Variants in POP4 observed in about 807,000 individuals in gnomAD.
POP4 encodes the protein POP4 ribonuclease P/MRP subunit.
A neutral mutation model predicts 29.9 loss-of-function variants in POP4; 31 were observed. The ratio of observed to expected loss-of-function variants is 1.04; its 90% confidence interval spans 0.78 to 1.40. POP4 has a LOEUF of 1.40. Among genes scored for constraint, POP4 ranks in the 40% most tolerant of loss-of-function variants. POP4 has a pLI of 0.00. For synonymous variants in POP4, 110 were observed against 108.2 expected, an observed-to-expected ratio of 1.02 and a Z score of -0.10; for missense variants, 286 against 282.7, an observed-to-expected ratio of 1.01 and a Z score of -0.08.
intron 1 of POP4, 69 bp from the exon 2 acceptor site, chr19:29,608,588 T>C (rs959702538): frequency 1.3e-5 from 19 of 1,472,186 alleles, no homozygotes; most frequent in Admixed American, 5.0e-5. Context: ...ATTTTCATAG[T>C]TAGAAAAGTC....
intron 5 of POP4, among the ~76,000 whole-genome samples, chr19:29,612,634 G>T (rs1028184739): frequency 6.6e-6 from 1 of 152,104 alleles, no homozygotes; most frequent in Non-Finnish European, 1.5e-5. Context: ...GATGTTCAGG[G>T]GGCATCTCAG....
rs2303754 is a variant in POP4, at chr19:29,606,361, C to T, written c.7+36C>T. On this transcript the variant is annotated intron_variant, in intron 1 of 6. Transcript: ENST00000585603. ...CCGCGAAGTTGGAGAGGGTTGGGGA[C>T]GTTAAGGGTCGGGGTCTTGGTACTG... The T allele has an allele frequency of 3.1e-6, 5 of 1,592,360 alleles. No individual in the cohort carries two copies. The South Asian group carries it at 3.4e-5, about 11-fold the overall frequency.
At chr19:29,610,733 T>A in intron 3 of POP4, 101 bp downstream of exon 3, 1 of 1,173,948 alleles carries the variant, frequency 8.5e-7, no homozygotes, top group Non-Finnish European at 1.2e-6. Context: ...CCACCTAAGC[T>A]AAGGGGGCCT....
Position 29,616,572 on chromosome 19 carries a change from T to C in POP4, c.*1192T>C, listed in dbSNP as rs914989101. 2.6e-5 allele frequency: 4 copies of C among 152,348 alleles called. No homozygotes were observed. The highest frequency in any genetic ancestry group is 7.2e-5 in the African/African-American group (3 of 41,432). The allele number at this position is 152,348 out of a possible 1,614,324, so 9.4% of individuals were successfully genotyped here. ...GAAACACCGTAGTGGAGAAGGGAAGTGGGAGCGCTGACTGCTGTGTGCCAG... is the reference window on the plus strand; with the variant it reads ...GAAACACCGTAGTGGAGAAGGGAAGCGGGAGCGCTGACTGCTGTGTGCCAG... On this transcript the variant is annotated 3_prime_UTR_variant, in exon 7 of 7. Transcript: ENST00000585603.
rs758964866 is a variant in POP4, at chr19:29,615,208, C to G, written c.527-36C>G. The G allele has an allele frequency of 4.0e-6, 6 of 1,495,938 alleles. No individual in the cohort carries two copies. In the African/African-American group the frequency reaches 8.8e-5, roughly 22 times the overall value. 92.7% of individuals were successfully genotyped at this position (1,495,938 alleles called of 1,614,324 possible). A position where few individuals can be genotyped will look rare whatever the true frequency, so the allele number is the denominator to read the frequency against. ...AATATTAATAAATATTTTTCCTCAT[C>G]TTTTTTTCTCCTGCCTTTTTTTTTT... On this transcript the variant is annotated intron_variant, in intron 6 of 6. Coordinates refer to ENST00000585603, the MANE Select transcript of POP4 (RefSeq NM_006627.3).
chr19:29,606,419 G>A, intron 1 of POP4, 94 bp downstream of exon 1: 1 of 1,415,140 alleles, frequency 7.1e-7, no homozygotes, highest in Non-Finnish European at 9.4e-7. Context: ...ACCTGTTGCT[G>A]CGGAGTCCTA....
intron 1 of POP4, among the ~76,000 whole-genome samples, chr19:29,607,181 C>T (rs755070031): frequency 6.6e-6 from 1 of 151,980 alleles, no homozygotes; most frequent in Non-Finnish European, 1.5e-5. Context: ...CGCCTGTGGT[C>T]CCAGCACTTT....
intron 2 of POP4, among the ~76,000 whole-genome samples, chr19:29,609,504 C>G (rs148330724): frequency 0.018 from 2,770 of 152,318 alleles, 33 homozygotes; most frequent in Non-Finnish European, 0.031. Flanking sequence ...AGCCAGGAGA[C>G]AGGCCCTCAG....
rs1049160362 is a variant in POP4 at position 29,607,891 on chromosome 19, T to C, written c.8-766T>C. 5.3e-5 allele frequency among the ~76,000 whole-genome samples: 8 copies of C among 152,368 alleles called. No individual in the cohort carries two copies. The East Asian group carries it at 1.5e-3, about 29-fold the overall frequency. ...CCTAGACAGCTATATCATATAACTT[T>C]TAATGAGTTACCTTGTTAGCAAGTG... On this transcript the variant is annotated intron_variant, in intron 1 of 6. Coordinates refer to ENST00000585603, the MANE Select transcript of POP4 (RefSeq NM_006627.3).
In POP4 at chr19:29,617,028, T is replaced by G. The variant is rs1208486982; in HGVS notation, c.*1648T>G. On this transcript the variant is annotated 3_prime_UTR_variant, in exon 7 of 7. Coordinates refer to ENST00000585603, the MANE Select transcript of POP4 (RefSeq NM_006627.3). ...AGGATGAGACGGATGCAGTTCAAAG[T>G]GCAGGATGTGCTGCCTTTATTACCT... is the stretch of plus-strand genomic sequence containing the variant. The G allele has an allele frequency of 1.3e-5, 2 of 152,230 alleles. No individual in the cohort carries two copies. Among genetic ancestry groups the G allele is most frequent in the Admixed American group, 6.5e-5 (1 of 15,282 alleles). 9.4% of individuals were successfully genotyped at this position (152,230 alleles called of 1,614,324 possible). A position where few individuals can be genotyped will look rare whatever the true frequency, so the allele number is the denominator to read the frequency against.
intron 6 of POP4, among the ~76,000 whole-genome samples, chr19:29,614,664 C>T (rs535421672): frequency 3.9e-5 from 6 of 152,130 alleles, no homozygotes; most frequent in South Asian, 2.1e-4. Context: ...CCACCACGCC[C>T]GGCTAATTTT....
chr19:29,609,410 T>G (rs1463655281), intron 2 of POP4, among the ~76,000 whole-genome samples: 2 of 152,220 alleles, frequency 1.3e-5, no homozygotes, highest in African/African-American at 4.8e-5. Flanking sequence ...GCTGCGTTAC[T>G]ATTGACAGAT....
intron 1 of POP4, among the ~76,000 whole-genome samples, chr19:29,607,500 A>G (rs1175905518): frequency 2.0e-5 from 3 of 152,168 alleles, no homozygotes; most frequent in Non-Finnish European, 4.4e-5. Flanking sequence ...CCTTGCATCA[A>G]ACATTCTCAG....
At position 29,612,186 on chromosome 19, in the gene POP4, A is replaced by G. The variant is rs769039947; in HGVS notation, c.424+8A>G. The G allele has an allele frequency of 8.1e-6, 13 of 1,602,572 alleles. No homozygotes were observed. In the East Asian group the frequency reaches 2.5e-4, roughly 30 times the overall value. ...ACGGGGCTATTATTTCAGGTAATTT[A>G]CCTAAGAGCGTGTAGCACATGGCCA... On this transcript the variant is annotated splice_region_variant and intron_variant, in intron 5 of 6. Transcript: ENST00000585603.
chr19:29,612,854 C>T lies in POP4; in HGVS notation c.424+676C>T, dbSNP rs144870909. On this transcript the variant is annotated intron_variant, in intron 5 of 6. Coordinates refer to ENST00000585603, the MANE Select transcript of POP4 (RefSeq NM_006627.3). ...CTGTCATTCCCCAGATTACCTCAGA[C>T]ACAGCTCCTCACCGCACCAGGCAGC... 1.4e-3 allele frequency among the ~76,000 whole-genome samples: 217 copies of T among 152,370 alleles called. 6 individuals carry two copies. The East Asian group carries it at 0.036, about 25-fold the overall frequency.
At chr19:29,613,694 G>C in intron 5 of POP4, 177 bp from the exon 6 acceptor site, 1 of 954,584 alleles carries the variant, frequency 1.0e-6, no homozygotes, top group Non-Finnish European at 1.5e-6. Context: ...GGGAAGCCTG[G>C]ATTCTTGTTG....
Position 29,612,409 on chromosome 19 carries a change from T to G in POP4, c.424+231T>G, listed in dbSNP as rs146424117. On this transcript the variant is annotated intron_variant, in intron 5 of 6. Coordinates refer to ENST00000585603, the MANE Select transcript of POP4 (RefSeq NM_006627.3). ...CCCTAAGTGGTCTCTGTGTACCTTC[T>G]CCACACAGGGACCCCTGTTGGTACC... 5.2e-3 allele frequency among the ~76,000 whole-genome samples: 790 copies of G among 152,238 alleles called. 8 individuals carry two copies. Among genetic ancestry groups the G allele is most frequent in the African/African-American group, 0.018 (758 of 41,532 alleles).
Position 29,611,896 on chromosome 19 carries a change from A to G in POP4, c.319A>G (p.Lys107Glu), listed in dbSNP as rs901882069. 2 of 1,614,064 alleles carry G rather than the reference A, an allele frequency of 1.2e-6. No homozygotes were observed. The highest frequency in any genetic ancestry group is 1.3e-5 in the African/African-American group (1 of 74,916). Reference protein sequence around the residue: ...SLFLPLHELWKQYIRDLCSGL... With the variant: ...SLFLPLHELWEQYIRDLCSGL... ...TTTCCTCCCTCTCCATGAACTCTGG[A>G]AACAGTACATCAGGGACCTGTGCAG... Residue 107 changes from lysine (K) to glutamate (E), a missense_variant, in exon 4 of 7, where the codon AAA (lysine) becomes GAA (glutamate). Lys to Glu is a moderately conservative substitution (Grantham distance 56). Coordinates refer to ENST00000585603, the MANE Select transcript of POP4 (RefSeq NM_006627.3).
In POP4 at chr19:29,614,123, A is replaced by G. The variant is rs925878352; in HGVS notation, c.526+151A>G. ...TGAACCTGCATTAAAGCCTGCAGAG[A>G]CCATCCCCTGCACCCGTGGCTCCCC... On this transcript the variant is annotated intron_variant, in intron 6 of 6. Coordinates refer to ENST00000585603, the MANE Select transcript of POP4 (RefSeq NM_006627.3). 16 of 1,402,352 alleles carry G rather than the reference A, an allele frequency of 1.1e-5. No individual in the cohort carries two copies. The African/African-American group carries it at 2.3e-4, about 20-fold the overall frequency. The allele number at this position is 1,402,352 out of a possible 1,614,324, so 86.9% of individuals were successfully genotyped here.
Sources: allele counts gnomAD v4.1 joint callset (sites outside exome capture counted in the v4.1 genomes callset), GRCh38; gene constraint gnomAD v4.1.1; transcripts MANE v1.5; gene names NCBI Gene and HGNC (gene_info 2026-07-23, HGNC 2026-07-21).